SLC15A2: variants seen among roughly 807,000 people sequenced by gnomAD.
SLC15A2 encodes the protein solute carrier family 15 member 2.
Under a neutral mutation model 95.5 loss-of-function variants are expected in SLC15A2, and 77 were observed. That is an observed-to-expected ratio of 0.81 (90% CI 0.67 to 0.97). The LOEUF is 0.97. SLC15A2 is among the 50% of genes least tolerant of loss of function. SLC15A2 has a pLI of 0.00. For synonymous variants in SLC15A2, 306 were observed against 306.9 expected (o/e 1.00, Z 0.03); for missense variants, 893 against 874.4 (o/e 1.02, Z -0.27).
chr3:121,940,452 C>A lies in SLC15A2; in HGVS notation c.1977C>A (p.Ile659=). The change falls in exon 21 of 22, where the codon ATC becomes ATA. Residue 659 remains isoleucine, a synonymous_variant. Coordinates refer to ENST00000489711, the MANE Select transcript of SLC15A2 (RefSeq NM_021082.4). The stretch of plus-strand genomic sequence containing the variant: ...TGACAATTGCAGTTGGGAATATCAT[C>A]GTGCTTGTTGTGGCACAGTTCAGTG... ...WLLTIAVGNI[I]VLVVAQFSGL... is the part of the protein sequence containing the mutation. 2 of 1,614,094 alleles carry A rather than the reference C, an allele frequency of 1.2e-6. No individual in the cohort carries two copies. Among genetic ancestry groups the A allele is most frequent in the South Asian group, 1.1e-5 (1 of 91,070 alleles).
At chr3:121,914,202 G>A (rs1178694086) in intron 5 of SLC15A2, among the ~76,000 whole-genome samples, 1 of 152,186 alleles carries the variant, frequency 6.6e-6, no homozygotes, top group African/African-American at 2.4e-5. Context: ...AATTAGATAA[G>A]TGGAATAAGG....
At chr3:121,898,637 T>C (rs1709465865) in intron 3 of SLC15A2, among the ~76,000 whole-genome samples, 1 of 152,224 alleles carries the variant, frequency 6.6e-6, no homozygotes, top group Non-Finnish European at 1.5e-5. Flanking sequence ...TGGAAACTGT[T>C]AGGCTGAGCA....
chr3:121,916,575 T>C (rs898811499), intron 7 of SLC15A2, among the ~76,000 whole-genome samples: 4 of 152,192 alleles, frequency 2.6e-5, no homozygotes, highest in African/African-American at 9.7e-5. Flanking sequence ...AGGTGAGCTG[T>C]GATAATATAT....
chr3:121,940,746 A>C, intron 21 of SLC15A2, 85 bp from the exon 22 acceptor site: 4 of 1,399,138 alleles, frequency 2.9e-6, no homozygotes, highest in Non-Finnish European at 3.9e-6. Context: ...ATCCCAGGTC[A>C]GTCTGCTCCC....
intron 3 of SLC15A2, among the ~76,000 whole-genome samples, chr3:121,900,436 G>C (rs755287725): frequency 1.3e-5 from 2 of 151,996 alleles, no homozygotes; most frequent in Non-Finnish European, 2.9e-5. Context: ...TCCTACAATT[G>C]AGCATATATG....
At position 121,932,851 on chromosome 3, in the gene SLC15A2, G is replaced by A. The variant is rs530832200; in HGVS notation, c.1761+1116G>A. Among the ~76,000 whole-genome samples the A allele has an allele frequency of 3.8e-4, 58 of 152,058 alleles. 1 individual carries two copies. Among genetic ancestry groups the A allele is most frequent in the African/African-American group, 1.3e-3 (54 of 41,464 alleles). ...ATGTATACATGTGCCATGCTGGTGC[G>A]CTGCACCCACTAACTCGTCATCTAG... On this transcript the variant is annotated intron_variant, in intron 19 of 21. Transcript: ENST00000489711.
intron 19 of SLC15A2, among the ~76,000 whole-genome samples, chr3:121,938,565 G>T (rs1214506476): frequency 6.6e-6 from 1 of 152,236 alleles, no homozygotes; most frequent in African/African-American, 2.4e-5. Context: ...GACTAGGAAA[G>T]GGAACTCCCT....
intron 7 of SLC15A2, among the ~76,000 whole-genome samples, chr3:121,919,384 T>A (rs1156720382): frequency 2.0e-5 from 3 of 152,202 alleles, no homozygotes; most frequent in African/African-American, 7.2e-5. Flanking sequence ...CAGAGAAGAA[T>A]TTTATTGAGT....
chr3:121,928,541 A>C lies in SLC15A2; in HGVS notation c.1327A>C (p.Ile443Leu). The C allele has an allele frequency of 6.2e-7, 1 of 1,614,114 alleles. No individual in the cohort carries two copies. The highest frequency in any genetic ancestry group is 8.5e-7 in the Non-Finnish European group (1 of 1,179,964). The stretch of plus-strand genomic sequence containing the variant: ...AAACAATTCTCTGTTGATAGAGTCC[A>C]TCAAATCCTTTCAGGTGAGGTGTGT... ...NENNSLLIES[I>L]KSFQKTPHYS... The change falls in exon 15 of 22, where the codon ATC becomes CTC. Residue 443 changes from isoleucine to leucine, a missense_variant. Coordinates refer to ENST00000489711, the MANE Select transcript of SLC15A2 (RefSeq NM_021082.4).
intron 7 of SLC15A2, among the ~76,000 whole-genome samples, chr3:121,920,134 C>G (rs1256844259): frequency 6.6e-6 from 1 of 152,176 alleles, no homozygotes; most frequent in African/African-American, 2.4e-5. Context: ...GTAAGTATGA[C>G]TTTAGTTGAT....
Position 121,943,040 on chromosome 3 carries a change from T to G in SLC15A2, c.*2033T>G, listed in dbSNP as rs1710488983. On this transcript the variant is annotated 3_prime_UTR_variant, in exon 22 of 22. Transcript: ENST00000489711. ...CAGCACTTTGGGAGGCTGAGACAGG[T>G]GGATCACCTGAGGTCAGGAGTTCGA... 1 of 152,038 alleles carries G rather than the reference T, an allele frequency of 6.6e-6. No individual in the cohort carries two copies. Among genetic ancestry groups the G allele is most frequent in the South Asian group, 2.1e-4 (1 of 4,812 alleles). 9.4% of individuals were successfully genotyped at this position (152,038 alleles called of 1,614,324 possible). A position where few individuals can be genotyped will look rare whatever the true frequency, so the allele number is the denominator to read the frequency against.
chr3:121,932,365 C>A (rs1262329020), intron 19 of SLC15A2, among the ~76,000 whole-genome samples: 1 of 152,202 alleles, frequency 6.6e-6, no homozygotes, highest in African/African-American at 2.4e-5. Context: ...CAATCAAACA[C>A]AAGTTATTTA....
chr3:121,897,809 G>A (rs971473090), intron 3 of SLC15A2, among the ~76,000 whole-genome samples: 3 of 152,106 alleles, frequency 2.0e-5, no homozygotes, highest in Admixed American at 6.6e-5. Context: ...CCATTCCATA[G>A]TTTAATATTA....
chr3:121,929,568 A>G (rs1710190923), intron 17 of SLC15A2, among the ~76,000 whole-genome samples: 1 of 151,852 alleles, frequency 6.6e-6, no homozygotes, highest in Non-Finnish European at 1.5e-5. Context: ...TGCCCCCTGT[A>G]CTCTGGGGCA....
At position 121,928,561 on chromosome 3, in the gene SLC15A2, G is replaced by A. The variant is rs757004227; in HGVS notation, c.1341+6G>A. The A allele has an allele frequency of 2.5e-6, 4 of 1,612,676 alleles. No homozygotes were observed. The highest frequency in any genetic ancestry group is 2.2e-5 in the East Asian group (1 of 44,854). ...AGTCCATCAAATCCTTTCAGGTGAG[G>A]TGTGTACCTGAATGAATTAGAAACT... On this transcript the variant is annotated splice_donor_region_variant and intron_variant, in intron 15 of 21. Transcript: ENST00000489711.
rs1710221053 is a variant in SLC15A2 at position 121,930,940 on chromosome 3, C to T, written c.1654C>T (p.Gln552Ter). Reference sequence around the variant, plus strand: ...TGGTGTGTCTGCTTATAGAACTGTGCAAAGAGGAGAGTAAGTGCATTGCCC... The same window carrying T: ...TGGTGTGTCTGCTTATAGAACTGTGTAAAGAGGAGAGTAAGTGCATTGCCC... ...DYGVSAYRTV[Q>*]RGEYPAVHCR... Residue 552 changes from glutamine to a stop codon, truncating the protein, a stop_gained, in exon 18 of 22, where the codon CAA becomes TAA. Coordinates refer to ENST00000489711, the MANE Select transcript of SLC15A2 (RefSeq NM_021082.4). LOFTEE classifies it high-confidence loss of function. The T allele has an allele frequency of 1.2e-6, 2 of 1,602,654 alleles. No individual in the cohort carries two copies. Among genetic ancestry groups the T allele is most frequent in the South Asian group, 2.2e-5 (2 of 90,794 alleles).
At chr3:121,906,905 A>C (rs1326401786) in intron 3 of SLC15A2, among the ~76,000 whole-genome samples, 2 of 152,136 alleles carry the variant, frequency 1.3e-5, no homozygotes, top group Non-Finnish European at 1.5e-5. Context: ...CTGCCTTGCT[A>C]GGTTGGGGAA....
chr3:121,916,708 A>G (rs1299168032), intron 7 of SLC15A2, among the ~76,000 whole-genome samples: 1 of 152,252 alleles, frequency 6.6e-6, no homozygotes, highest in African/African-American at 2.4e-5. Context: ...TGTTTCATAA[A>G]TTATGAAATG....
At chr3:121,909,096 T>C (rs1709711984) in intron 3 of SLC15A2, among the ~76,000 whole-genome samples, 1 of 152,192 alleles carries the variant, frequency 6.6e-6, no homozygotes, top group South Asian at 2.1e-4. Flanking sequence ...AGTCTTGCTC[T>C]GTCTCCCAGT....
Sources: gnomAD v4.1 joint callset for allele counts (sites outside exome capture counted in the v4.1 genomes callset) on GRCh38, gnomAD v4.1.1 for gene constraint, MANE v1.5 for transcripts, NCBI Gene and HGNC (gene_info 2026-07-23, HGNC 2026-07-21) for gene names.